MYBPHL: variants seen among roughly 807,000 people sequenced by gnomAD.
The protein encoded by MYBPHL is myosin-binding protein H-like.
A neutral mutation model predicts 39.5 loss-of-function variants in MYBPHL; 32 were observed. The observed-to-expected ratio is 0.81, with a 90% CI of 0.61 to 1.09. The LOEUF (loss-of-function observed/expected upper bound fraction) is 1.09, where lower values mean the gene tolerates loss of function less well. Among genes scored for constraint, MYBPHL ranks in the 50% least tolerant of loss-of-function variants. MYBPHL has a pLI of 0.00. For missense variants in MYBPHL, 456 were observed against 460.2 expected (o/e 0.99, Z 0.08); for synonymous variants, 196 against 183.7 (o/e 1.07, Z -0.54).
At chr1:109,296,122 T>C (rs563713703) in intron 6 of MYBPHL, 112 bp downstream of exon 6, 1 of 1,354,716 alleles carries the variant, frequency 7.4e-7, no homozygotes, top group African/African-American at 1.5e-5. Flanking sequence ...AAGAGGCAGA[T>C]GGCGGTGATG....
chr1:109,297,473 C>T lies in MYBPHL; in HGVS notation c.379G>A (p.Val127Met), dbSNP rs536262185. The T allele has an allele frequency of 1.1e-5, 17 of 1,613,360 alleles. No individual in the cohort carries two copies. Among genetic ancestry groups the T allele is most frequent in the Admixed American group, 3.3e-5 (2 of 60,018 alleles). Residue 127 changes from valine to methionine, a missense_variant, in exon 3 of 9, where the codon GTG becomes ATG. Val to Met is a conservative substitution (Grantham distance 21). Coordinates refer to ENST00000357155, the MANE Select transcript of MYBPHL (RefSeq NM_001010985.3). ...RADSGRYQLRVQLGGLEATAT... is the reference protein window; with the variant it reads ...RADSGRYQLRMQLGGLEATAT... ...GTGGCCTCCAGCCCACCCAGCTGCA[C>T]GCGGAGTTGGTAGCGACCTGAGTCA...
intron 1 of MYBPHL, among the ~76,000 whole-genome samples, chr1:109,305,700 G>T (rs546309301): frequency 1.2e-4 from 19 of 152,296 alleles, no homozygotes; most frequent in Admixed American, 3.3e-4. Context: ...TCTTCAACGG[G>T]ACAAACTTGG....
At chr1:109,306,823 C>G in intron 1 of MYBPHL, 24 bp downstream of exon 1, 1 of 1,540,510 alleles carries the variant, frequency 6.5e-7, no homozygotes, top group Non-Finnish European at 8.7e-7. Context: ...GGCCTCCCCA[C>G]CCTCCCCACC....
intron 6 of MYBPHL, 79 bp from the exon 7 acceptor site, chr1:109,295,376 A>T: frequency 7.4e-7 from 1 of 1,351,534 alleles, no homozygotes; most frequent in Non-Finnish European, 1.0e-6. Flanking sequence ...AGTTTCTGGG[A>T]CTCTGTCTAT....
At chr1:109,296,734 C>T (rs373330018) in intron 5 of MYBPHL, 49 bp downstream of exon 5, 203 of 1,607,994 alleles carry the variant, frequency 1.3e-4, no homozygotes, top group East Asian at 1.8e-4. Flanking sequence ...CCACTGTGCC[C>T]GGCCTATCCT....
intron 8 of MYBPHL, among the ~76,000 whole-genome samples, chr1:109,293,804 C>T (rs1362034930): frequency 2.0e-5 from 3 of 151,748 alleles, no homozygotes; most frequent in Non-Finnish European, 2.9e-5. Context: ...CGGCTCTCAC[C>T]TGTAATCCCA....
chr1:109,298,474 G>C (rs1658168366), intron 1 of MYBPHL, among the ~76,000 whole-genome samples: 1 of 152,134 alleles, frequency 6.6e-6, no homozygotes, highest in Non-Finnish European at 1.5e-5. Context: ...TCAGCAGAAG[G>C]AACACTGGAG....
intron 1 of MYBPHL, among the ~76,000 whole-genome samples, chr1:109,303,528 C>T (rs964278127): frequency 1.3e-5 from 2 of 152,202 alleles, no homozygotes; most frequent in African/African-American, 4.8e-5. Context: ...CCACCACCTC[C>T]AAGTGAACTC....
chr1:109,298,264 G>A lies in MYBPHL; in HGVS notation c.146-7C>T, dbSNP rs767010208. 3 of 1,607,100 alleles carry A rather than the reference G, an allele frequency of 1.9e-6. No individual in the cohort carries two copies. Among genetic ancestry groups the A allele is most frequent in the Non-Finnish European group, 2.5e-6 (3 of 1,176,620 alleles). ...AGCCAGATCTTGGGGTGCTCTGAGT[G>A]ATGGAAAGAGAGAGAATAGGAGATG... On this transcript the variant is annotated splice_polypyrimidine_tract_variant and splice_region_variant and intron_variant, in intron 1 of 8. Coordinates refer to ENST00000357155, the MANE Select transcript of MYBPHL (RefSeq NM_001010985.3).
At position 109,292,696 on chromosome 1, in the gene MYBPHL, T is replaced by C. The variant is rs1205184326; in HGVS notation, c.*34-108A>G. 2.6e-5 allele frequency: 4 copies of C among 152,224 alleles called. No homozygotes were observed. The East Asian group carries it at 5.8e-4, about 22-fold the overall frequency. The allele number at this position is 152,224 out of a possible 1,614,324, so 9.4% of individuals were successfully genotyped here. A position where few individuals can be genotyped will look rare whatever the true frequency, so the allele number is the denominator to read the frequency against. On this transcript the variant is annotated intron_variant, in intron 8 of 8. Coordinates refer to ENST00000357155, the MANE Select transcript of MYBPHL (RefSeq NM_001010985.3). ...CTGCAAGCCGACTGTCGGAGAGCGC[T>C]TTCCTGAGAAGTCTGTACTTGTAAC...
chr1:109,298,509 T>C (rs1479953486), intron 1 of MYBPHL, among the ~76,000 whole-genome samples: 1 of 152,136 alleles, frequency 6.6e-6, no homozygotes, highest in Non-Finnish European at 1.5e-5. Flanking sequence ...TTCTCTTAAT[T>C]TGTAACTCTC....
At chr1:109,298,809 T>A (rs1195492304) in intron 1 of MYBPHL, among the ~76,000 whole-genome samples, 2 of 152,074 alleles carry the variant, frequency 1.3e-5, no homozygotes, top group Admixed American at 1.3e-4. Flanking sequence ...AGCACGTGTC[T>A]GGGTCCCTTC....
At position 109,299,334 on chromosome 1, in the gene MYBPHL, C is replaced by T. The variant is rs1200924363; in HGVS notation, c.146-1077G>A. On this transcript the variant is annotated intron_variant, in intron 1 of 8. Transcript: ENST00000357155. The stretch of plus-strand genomic sequence containing the variant: ...ATTCCTGTGGCAAACAGCATGACTG[C>T]TCGATAGTGGATTCCAGACTCTTTG... Among the ~76,000 whole-genome samples the T allele has an allele frequency of 2.0e-5, 3 of 152,366 alleles. No homozygotes were observed. In the East Asian group the frequency reaches 5.8e-4, roughly 29 times the overall value.
chr1:109,297,575 C>T lies in MYBPHL; in HGVS notation c.277G>A (p.Ala93Thr). ...ACACTCACACGCCTGGTGTCCAAGG[C>T]ACAGCCATCATGTGTCCAGATGGCT... ...PQAIWTHDGC[A>T]LDTRRVSVRN... Residue 93 changes from alanine (A) to threonine (T), a missense_variant, in exon 3 of 9, where the codon GCC becomes ACC. Coordinates refer to ENST00000357155, the MANE Select transcript of MYBPHL (RefSeq NM_001010985.3). 1 of 1,613,902 alleles carries T rather than the reference C, an allele frequency of 6.2e-7. No individual in the cohort carries two copies. Among genetic ancestry groups the T allele is most frequent in the Non-Finnish European group, 8.5e-7 (1 of 1,180,016 alleles).
intron 1 of MYBPHL, among the ~76,000 whole-genome samples, chr1:109,303,594 T>A (rs749277980): frequency 6.6e-6 from 1 of 152,178 alleles, no homozygotes; most frequent in Non-Finnish European, 1.5e-5. Flanking sequence ...CCTGGGTGAC[T>A]ATCGCACACC....
At position 109,296,900 on chromosome 1, in the gene MYBPHL, TGCA is replaced by T. The variant is rs1658093242; in HGVS notation, c.610_612del (p.Cys204del). ...TTGCCGATGATGAGGTCAGAGACGA[TGCA>T]GCTGGTGCGGTGATAGTGCTCCAGC... On this transcript the variant is annotated inframe_deletion, in exon 5 of 9. Coordinates refer to ENST00000357155, the MANE Select transcript of MYBPHL (RefSeq NM_001010985.3). 1 of 1,614,168 alleles carries T rather than the reference TGCA, an allele frequency of 6.2e-7. No homozygotes were observed. The highest frequency in any genetic ancestry group is 2.2e-5 in the East Asian group (1 of 44,870).
chr1:109,298,037 T>A (rs1434511220), intron 2 of MYBPHL, 132 bp downstream of exon 2: 8 of 757,646 alleles, frequency 1.1e-5, no homozygotes, highest in Non-Finnish European at 1.7e-5. Context: ...CTCAGACTTC[T>A]GGTGGTGTGA....
chr1:109,296,945 G>A lies in MYBPHL; in HGVS notation c.571-3C>T. 6.2e-7 allele frequency: 1 copy of A among 1,614,142 alleles called. No individual in the cohort carries two copies. Among genetic ancestry groups the A allele is most frequent in the Non-Finnish European group, 8.5e-7 (1 of 1,180,000 alleles). On this transcript the variant is annotated splice_polypyrimidine_tract_variant and splice_region_variant and intron_variant, in intron 4 of 8. Coordinates refer to ENST00000357155, the MANE Select transcript of MYBPHL (RefSeq NM_001010985.3). Reference sequence around the variant, plus strand: ...TGCTCCAGCACCGTGAACCACAGCTGCGGGGCCGAACATGATGCCAGAAAT... The same window carrying A: ...TGCTCCAGCACCGTGAACCACAGCTACGGGGCCGAACATGATGCCAGAAAT...
rs151201446 is a variant in MYBPHL at position 109,296,860 on chromosome 1, C to T, written c.653G>A (p.Arg218His). The T allele has an allele frequency of 3.7e-3, 5,981 of 1,614,128 alleles. 17 individuals carry two copies. The highest frequency in any genetic ancestry group is 4.6e-3 in the Non-Finnish European group (5,474 of 1,180,028). ...TCCGCACTGGTTTTCAGCAAAGACA[C>T]GGAAGGCATAGGAGTTGCCGATGAT... ...DLIIGNSYAFRVFAENQCGLS... is the reference protein window; with the variant it reads ...DLIIGNSYAFHVFAENQCGLS... Residue 218 changes from arginine to histidine, a missense_variant, in exon 5 of 9, where the codon CGT (arginine) becomes CAT (histidine). Transcript: ENST00000357155.
Sources: allele counts gnomAD v4.1 joint callset (sites outside exome capture counted in the v4.1 genomes callset), GRCh38; gene constraint gnomAD v4.1.1; transcripts MANE v1.5; gene names NCBI Gene and HGNC (gene_info 2026-07-23, HGNC 2026-07-21).